Variants in SZRD1 observed in about 807,000 individuals in gnomAD.
SZRD1 encodes SUZ RNA-binding domain-containing.
Under a neutral mutation model 17.6 loss-of-function variants are expected in SZRD1, and 7 were observed. That is an observed-to-expected ratio of 0.40 (90% CI 0.23 to 0.75). The LOEUF is 0.75. SZRD1 is among the 30% of genes least tolerant of loss of function. The pLI is 0.38. For missense variants in SZRD1, 178 were observed against 201.8 expected (o/e 0.88, Z 0.71); for synonymous variants, 77 against 77.9 (o/e 0.99, Z 0.06).
chr1:16,394,187 T>C (rs913554592), intron 3 of SZRD1, among the ~76,000 whole-genome samples: 2 of 152,176 alleles, frequency 1.3e-5, no homozygotes, highest in African/African-American at 4.8e-5. Context: ...CTGCGTACCT[T>C]CTTTCTAGCT....
chr1:16,367,585 AC>A, intron 1 of SZRD1: 1 of 480,606 alleles, frequency 2.1e-6, no homozygotes, highest in Non-Finnish European at 3.7e-6. Context: ...TCCTTTCCTG[AC>A]CCCCCGCGCC....
chr1:16,388,708 C>G (rs1287485411), intron 1 of SZRD1, among the ~76,000 whole-genome samples: 1 of 103,478 alleles, frequency 9.7e-6, no homozygotes, highest in African/African-American at 3.8e-5. Flanking sequence ...TTTTTTGAGA[C>G]AGAGTCTTGC....
chr1:16,390,717 A>T (rs1464147701), intron 1 of SZRD1: 3 of 152,200 alleles, frequency 2.0e-5, no homozygotes, highest in Non-Finnish European at 4.4e-5. Flanking sequence ...TGTAAAAGGG[A>T]GAGTTTATTC....
chr1:16,393,444 C>T lies in SZRD1; in HGVS notation c.318C>T (p.Ala106=). The T allele has an allele frequency of 6.2e-7, 1 of 1,613,898 alleles. No homozygotes were observed. The highest frequency in any genetic ancestry group is 8.5e-7 in the Non-Finnish European group (1 of 1,179,934). Residue 106 remains alanine (A), a synonymous_variant, in exon 3 of 4, where the codon GCC becomes GCT. Coordinates refer to ENST00000401088, the MANE Select transcript of SZRD1 (RefSeq NM_001114600.3). The surrounding 1 kb of genome is among the most constrained non-coding windows in gnomAD (Gnocchi z 5.6). The stretch of plus-strand genomic sequence containing the variant: ...CCCGGAAGCGGATCCTGGGCAGCGC[C>T]AGCCCCGAGGAGGAGCAGGAGAAAC... The part of the protein sequence containing the change: ...AEARKRILGS[A]SPEEEQEKPI...
rs553165622 is a variant in SZRD1 at position 16,393,287 on chromosome 1, C to A, written c.161C>A (p.Ala54Glu). The part of the protein sequence containing the change: ...PIVIQDDSLP[A>E]GPPPQIRILK... ...GTGATTCAGGACGATAGCCTTCCCG[C>A]GGGGCCCCCTCCACAGATCCGCATC... Residue 54 changes from alanine to glutamate, a missense_variant, in exon 3 of 4, where the codon GCG becomes GAG. Around this residue, in one of 3 missense-constraint regions of SZRD1, gnomAD observed 117 missense variants for 108.7 expected, o/e 1.08. Transcript: ENST00000401088. This position sits in a 1 kb window ranked among gnomAD's most constrained non-coding sequence, Gnocchi z 5.6. 6.2e-7 allele frequency: 1 copy of A among 1,614,138 alleles called. No homozygotes were observed. Among genetic ancestry groups the A allele is most frequent in the South Asian group, 1.1e-5 (1 of 91,080 alleles).
At position 16,367,315 on chromosome 1, in the gene SZRD1, A is replaced by C; in HGVS notation, c.51+7A>C. ...AGAGGCGGCAGACAGCGGGGTAAGG[A>C]GGAGCCGCCGTCCCATGGCAGGGCC... is the stretch of plus-strand genomic sequence containing the variant. On this transcript the variant is annotated splice_region_variant and intron_variant, in intron 1 of 3. Coordinates refer to ENST00000401088, the MANE Select transcript of SZRD1 (RefSeq NM_001114600.3). 6.5e-7 allele frequency: 1 copy of C among 1,548,368 alleles called. No individual in the cohort carries two copies. Among genetic ancestry groups the C allele is most frequent in the Admixed American group, 2.0e-5 (1 of 50,972 alleles).
At chr1:16,383,023 G>A (rs571600283) in intron 1 of SZRD1, among the ~76,000 whole-genome samples, 28 of 151,718 alleles carry the variant, frequency 1.8e-4, no homozygotes, top group African/African-American at 5.6e-4. Flanking sequence ...CCGCCACCAC[G>A]TCCGGCTAAT....
At chr1:16,384,247 G>A (rs1211155679) in intron 1 of SZRD1, among the ~76,000 whole-genome samples, 5 of 152,032 alleles carry the variant, frequency 3.3e-5, no homozygotes, top group South Asian at 4.1e-4. Flanking sequence ...ATCTGAACTT[G>A]AAATGGCCAG....
intron 1 of SZRD1, among the ~76,000 whole-genome samples, chr1:16,388,553 C>T (rs958914909): frequency 1.3e-5 from 2 of 151,824 alleles, no homozygotes; most frequent in Non-Finnish European, 2.9e-5. Context: ...GTGAGAAAAA[C>T]TATGTTCTAG....
At chr1:16,384,442 T>G (rs2083155227) in intron 1 of SZRD1, among the ~76,000 whole-genome samples, 1 of 152,132 alleles carries the variant, frequency 6.6e-6, no homozygotes, top group Admixed American at 6.5e-5. Context: ...CTGATAGTTT[T>G]AGACCAGATT....
At chr1:16,380,085 C>T (rs924493545) in intron 1 of SZRD1, among the ~76,000 whole-genome samples, 1 of 151,986 alleles carries the variant, frequency 6.6e-6, no homozygotes, top group Non-Finnish European at 1.5e-5. Flanking sequence ...GAAAGATGGA[C>T]AATAAACAGT....
At chr1:16,374,836 T>G (rs2082972405) in intron 1 of SZRD1, among the ~76,000 whole-genome samples, 1 of 152,024 alleles carries the variant, frequency 6.6e-6, no homozygotes, top group Non-Finnish European at 1.5e-5. Context: ...TAAAAAAATT[T>G]TAATGTAGTA....
intron 2 of SZRD1, among the ~76,000 whole-genome samples, chr1:16,392,217 T>C (rs933780640): frequency 5.3e-5 from 8 of 152,218 alleles, no homozygotes; most frequent in Non-Finnish European, 8.8e-5. Flanking sequence ...ATTTGTGTCC[T>C]ACCCGAGACT....
At chr1:16,379,325 G>T (rs1324070607) in intron 1 of SZRD1, among the ~76,000 whole-genome samples, 1 of 151,982 alleles carries the variant, frequency 6.6e-6, no homozygotes, top group African/African-American at 2.4e-5. Context: ...TACCATGTTA[G>T]CCAGAATGGC....
chr1:16,394,804 A>C (rs997003979), intron 3 of SZRD1, among the ~76,000 whole-genome samples: 1 of 152,094 alleles, frequency 6.6e-6, no homozygotes, highest in African/African-American at 2.4e-5. Context: ...AAATTACAAA[A>C]ATTAGCTGGG....
rs924243903 is a variant in SZRD1, at chr1:16,391,069, A to T, written c.52-306A>T. On this transcript the variant is annotated intron_variant, in intron 1 of 3. Coordinates refer to ENST00000401088, the MANE Select transcript of SZRD1 (RefSeq NM_001114600.3). The surrounding 1 kb of genome is among the most constrained non-coding windows in gnomAD (Gnocchi z 4.3). ...AAGTGTTCCTAAGTTTAGGTTTAGAAGTTGATATGAGTGGCTCTGTGAAAG... is the reference window on the plus strand; with the variant it reads ...AAGTGTTCCTAAGTTTAGGTTTAGATGTTGATATGAGTGGCTCTGTGAAAG... Among the ~76,000 whole-genome samples the T allele has an allele frequency of 6.6e-5, 10 of 152,172 alleles. No homozygotes were observed. Among genetic ancestry groups the T allele is most frequent in the Non-Finnish European group, 1.5e-4 (10 of 68,032 alleles).
intron 1 of SZRD1, among the ~76,000 whole-genome samples, chr1:16,373,100 G>A (rs2082940807): frequency 6.6e-6 from 1 of 152,102 alleles, no homozygotes; most frequent in African/African-American, 2.4e-5. Flanking sequence ...TGGCTGAAGG[G>A]GAGAGGGTTG....
rs1181295826 is a variant in SZRD1 at position 16,391,444 on chromosome 1, T to G, written c.101+20T>G. The G allele has an allele frequency of 1.9e-6, 3 of 1,545,176 alleles. No homozygotes were observed. The highest frequency in any genetic ancestry group is 1.7e-6 in the Non-Finnish European group (2 of 1,143,010). On this transcript the variant is annotated intron_variant, in intron 2 of 3. Transcript: ENST00000401088. The surrounding 1 kb of genome is among the most constrained non-coding windows in gnomAD (Gnocchi z 4.3). ...AGAGAGGTAAGGCTGCTGTCTGGTC[T>G]GAGGGCTCATGCTCTCTGTGGTTTG... is the stretch of plus-strand genomic sequence containing the variant.
chr1:16,378,691 G>T (rs61770596), intron 1 of SZRD1, among the ~76,000 whole-genome samples: 12,739 of 152,118 alleles, frequency 0.084, 701 homozygotes, highest in Non-Finnish European at 0.12. Flanking sequence ...CCTGGCCTGA[G>T]GTGTAGCAGC....
Sources: allele counts gnomAD v4.1 joint callset (sites outside exome capture counted in the v4.1 genomes callset), GRCh38; gene constraint gnomAD v4.1.1; regional missense constraint gnomAD v4.1.1; non-coding constraint Gnocchi (gnomAD v3.1); transcripts MANE v1.5; gene names NCBI Gene and HGNC (gene_info 2026-07-23, HGNC 2026-07-21).